VIT: variants seen among roughly 807,000 people sequenced by gnomAD.
The protein encoded by VIT is vitrin.
In VIT, 99 loss-of-function variants were observed where a neutral mutation model predicts 78.0. The observed-to-expected ratio is 1.27, with a 90% CI of 1.08 to 1.50. The LOEUF (loss-of-function observed/expected upper bound fraction) is 1.50. Among genes scored for constraint, VIT ranks in the 40% most tolerant of loss-of-function variants. The probability of loss-of-function intolerance (pLI) is 0.00; values close to 1 mark genes in which losing one functional copy is unlikely to be tolerated. For synonymous variants in VIT, 374 were observed against 334.3 expected (o/e 1.12, Z -1.29); for missense variants, 1,126 against 875.3 (o/e 1.29, Z -3.61).
At chr2:36,786,664 C>A (rs1305243499) in intron 11 of VIT, among the ~76,000 whole-genome samples, 6 of 152,218 alleles carry the variant, frequency 3.9e-5, no homozygotes, top group Non-Finnish European at 7.3e-5. Context: ...TTCTATAATT[C>A]CTGCCCTCCC....
intron 1 of VIT, among the ~76,000 whole-genome samples, chr2:36,702,323 A>T (rs991143420): frequency 1.1e-4 from 16 of 151,996 alleles, no homozygotes; most frequent in African/African-American, 3.9e-4. Flanking sequence ...TTTCCCCCAG[A>T]CACCGCCTAC....
At chr2:36,719,420 A>G (rs1666356322) in intron 2 of VIT, among the ~76,000 whole-genome samples, 1 of 152,212 alleles carries the variant, frequency 6.6e-6, no homozygotes, top group African/African-American at 2.4e-5. Flanking sequence ...ATGATATTAT[A>G]TACAGAAAGC....
chr2:36,743,427 C>T (rs1170597591), intron 4 of VIT, among the ~76,000 whole-genome samples, 171 bp downstream of exon 4: 1 of 152,114 alleles, frequency 6.6e-6, no homozygotes, highest in Non-Finnish European at 1.5e-5. Flanking sequence ...GAAATCTAGC[C>T]AACAGTTGTT....
At chr2:36,713,700 A>G (rs1665949995) in intron 1 of VIT, among the ~76,000 whole-genome samples, 1 of 152,176 alleles carries the variant, frequency 6.6e-6, no homozygotes, top group African/African-American at 2.4e-5. Flanking sequence ...ATAGACTTTG[A>G]ATATAGCGCC....
Position 36,808,661 on chromosome 2 carries a change from C to T in VIT, c.1579C>T (p.Arg527Cys), listed in dbSNP as rs769318443. ...CAGCAGTGTGGGGACGGGCAACTTC[C>T]GCACCGTCCTCCAGTTTGTGACCAA... is the stretch of plus-strand genomic sequence containing the variant. ...GSSSVGTGNF[R>C]TVLQFVTNLT... Residue 527 changes from arginine (R) to cysteine (C), a missense_variant, in exon 15 of 16, where the codon CGC (arginine) becomes TGC (cysteine). By Grantham distance (180) the Arg-to-Cys change is radical. Coordinates refer to ENST00000379242, the MANE Select transcript of VIT (RefSeq NM_053276.4). 42 of 1,614,070 alleles carry T rather than the reference C, an allele frequency of 2.6e-5. No individual in the cohort carries two copies. The highest frequency in any genetic ancestry group is 1.2e-4 in the Admixed American group (7 of 60,002).
intron 2 of VIT, among the ~76,000 whole-genome samples, chr2:36,726,062 C>CT (rs1666825734): frequency 7.0e-6 from 1 of 142,294 alleles, no homozygotes; most frequent in Non-Finnish European, 1.5e-5. Flanking sequence ...GAGCGAGACT[C>CT]TGTCTCAAAA....
chr2:36,813,267 T>A (rs551046917), intron 15 of VIT, among the ~76,000 whole-genome samples: 1 of 151,926 alleles, frequency 6.6e-6, no homozygotes, highest in South Asian at 2.1e-4. Flanking sequence ...CTGGCAAACA[T>A]GGTGAAACCC....
chr2:36,711,143 A>C (rs1665774204), intron 1 of VIT, among the ~76,000 whole-genome samples: 1 of 152,108 alleles, frequency 6.6e-6, no homozygotes, highest in African/African-American at 2.4e-5. Context: ...TTCAATTCCC[A>C]ATGGACTTGC....
In VIT at chr2:36,804,560, G is replaced by A. The variant is rs142434752; in HGVS notation, c.1163-878G>A. Among the ~76,000 whole-genome samples the A allele has an allele frequency of 2.2e-3, 332 of 152,306 alleles. 3 individuals are homozygous for A. Among genetic ancestry groups the A allele is most frequent in the African/African-American group, 7.7e-3 (322 of 41,564 alleles). On this transcript the variant is annotated intron_variant, in intron 13 of 15. Transcript: ENST00000379242. ...CGCATGAAAGTCTTTGGCCAGGCACGGTGGTTCAAACCTGTAATCCCAGCA... is the reference window on the plus strand; with the variant it reads ...CGCATGAAAGTCTTTGGCCAGGCACAGTGGTTCAAACCTGTAATCCCAGCA...
intron 7 of VIT, among the ~76,000 whole-genome samples, chr2:36,771,047 CTT>C (rs1669719531): frequency 2.0e-5 from 3 of 152,208 alleles, no homozygotes; most frequent in Admixed American, 1.3e-4. Context: ...TACAGTTTCC[CTT>C]ACCAACACTC....
chr2:36,769,362 A>T (rs1476596358), intron 7 of VIT, among the ~76,000 whole-genome samples: 3 of 152,240 alleles, frequency 2.0e-5, no homozygotes, highest in Non-Finnish European at 4.4e-5. Flanking sequence ...AACTTGAAGT[A>T]GTGGCTCCTA....
At chr2:36,719,977 A>C (rs1250233538) in intron 2 of VIT, among the ~76,000 whole-genome samples, 1 of 152,158 alleles carries the variant, frequency 6.6e-6, no homozygotes, top group Non-Finnish European at 1.5e-5. Flanking sequence ...AAATTAAAGA[A>C]GACATACATA....
At chr2:36,725,069 C>A (rs1005004111) in intron 2 of VIT, among the ~76,000 whole-genome samples, 17 of 152,108 alleles carry the variant, frequency 1.1e-4, no homozygotes, top group Admixed American at 4.6e-4. Flanking sequence ...CACTCAAACC[C>A]CAGAAGTAAA....
intron 15 of VIT, 60 bp downstream of exon 15, chr2:36,809,045 A>G: frequency 3.3e-6 from 5 of 1,516,602 alleles, no homozygotes; most frequent in Non-Finnish European, 4.4e-6. Context: ...TTGGTGGGCC[A>G]GTGGGACAAG....
chr2:36,732,948 G>T (rs1432132680), intron 3 of VIT, among the ~76,000 whole-genome samples: 1 of 152,084 alleles, frequency 6.6e-6, no homozygotes, highest in East Asian at 1.9e-4. Context: ...AGGCCTGAAG[G>T]GTAGAAAAAG....
chr2:36,717,685 G>A (rs1246257609), intron 2 of VIT, among the ~76,000 whole-genome samples: 4 of 152,130 alleles, frequency 2.6e-5, no homozygotes, highest in African/African-American at 4.8e-5. Flanking sequence ...ATTAAGCTTG[G>A]CCCCACTGTG....
chr2:36,797,863 G>C (rs995966154), intron 12 of VIT, among the ~76,000 whole-genome samples: 1 of 152,138 alleles, frequency 6.6e-6, no homozygotes, highest in East Asian at 1.9e-4. Context: ...GCCTGTAGGC[G>C]CCACATATTA....
At chr2:36,758,340 A>G (rs550536342) in intron 5 of VIT, among the ~76,000 whole-genome samples, 1 of 152,348 alleles carries the variant, frequency 6.6e-6, no homozygotes, top group East Asian at 1.9e-4. Flanking sequence ...AACAAAGACC[A>G]TATGGTGGAA....
chr2:36,807,416 T>G (rs1666811491), intron 14 of VIT, among the ~76,000 whole-genome samples: 1 of 152,192 alleles, frequency 6.6e-6, no homozygotes, highest in Non-Finnish European at 1.5e-5. Flanking sequence ...CACTGCCTGG[T>G]GGAAATCCCT....
Sources: allele counts gnomAD v4.1 joint callset (sites outside exome capture counted in the v4.1 genomes callset), GRCh38; gene constraint gnomAD v4.1.1; transcripts MANE v1.5; gene names NCBI Gene and HGNC (gene_info 2026-07-23, HGNC 2026-07-21).